CRYBG3: variants seen among roughly 807,000 people sequenced by gnomAD.
The protein encoded by CRYBG3 is very large A-kinase anchor protein.
In CRYBG3, 127 loss-of-function variants were observed where a neutral mutation model predicts 244.2. The ratio of observed to expected loss-of-function variants is 0.52; its 90% confidence interval spans 0.45 to 0.60. The LOEUF is 0.60. Among genes scored for constraint, CRYBG3 ranks in the 20% least tolerant of loss-of-function variants. CRYBG3 has a pLI of 0.00. For synonymous variants in CRYBG3, 1,132 were observed against 1,195.8 expected (o/e 0.95, Z 1.10); for missense variants, 3,325 against 3,442.5 (o/e 0.97, Z 0.85).
chr3:97,881,753 G>T (rs1276749483), intron 7 of CRYBG3, among the ~76,000 whole-genome samples: 1 of 151,776 alleles, frequency 6.6e-6, no homozygotes, highest in Non-Finnish European at 1.5e-5. Context: ...AATGTTACAT[G>T]ATGTACTATA....
intron 3 of CRYBG3, among the ~76,000 whole-genome samples, chr3:97,869,500 T>C (rs1361366363): frequency 1.3e-5 from 2 of 152,186 alleles, no homozygotes; most frequent in Admixed American, 1.3e-4. Context: ...ATTTATGTCA[T>C]AGTTGGCTCT....
intron 2 of CRYBG3, among the ~76,000 whole-genome samples, chr3:97,863,349 T>C (rs1223631646): frequency 3.3e-5 from 5 of 152,194 alleles, no homozygotes; most frequent in Admixed American, 3.3e-4. Context: ...TACTCTGATA[T>C]AGCAGCTCAG....
At chr3:97,916,438 T>C (rs1004351687) in intron 17 of CRYBG3, among the ~76,000 whole-genome samples, 2 of 152,170 alleles carry the variant, frequency 1.3e-5, no homozygotes, top group African/African-American at 4.8e-5. Flanking sequence ...GAATTTCAAA[T>C]GTGAGATAAA....
At chr3:97,906,046 G>C (rs1363544194) in intron 15 of CRYBG3, among the ~76,000 whole-genome samples, 1 of 144,120 alleles carries the variant, frequency 6.9e-6, no homozygotes, top group East Asian at 2.1e-4. Context: ...TCAAAGATCA[G>C]ATAGTTGTAG....
intron 2 of CRYBG3, among the ~76,000 whole-genome samples, chr3:97,845,687 C>T (rs1241219669): frequency 1.3e-5 from 2 of 152,204 alleles, no homozygotes; most frequent in Non-Finnish European, 1.5e-5. Context: ...ATCTTGACTA[C>T]AACATGTGCA....
intron 1 of CRYBG3, among the ~76,000 whole-genome samples, chr3:97,829,750 A>C (rs1437236014): frequency 6.6e-6 from 1 of 152,192 alleles, no homozygotes; most frequent in Non-Finnish European, 1.5e-5. Flanking sequence ...AGCAGTTAAC[A>C]AGGTGCAGCA....
chr3:97,911,349 C>G (rs958983550), intron 15 of CRYBG3, among the ~76,000 whole-genome samples: 2 of 152,030 alleles, frequency 1.3e-5, no homozygotes, highest in East Asian at 1.9e-4. Flanking sequence ...TTTACGGGCT[C>G]TTTAATTTTT....
intron 17 of CRYBG3, among the ~76,000 whole-genome samples, chr3:97,923,443 G>A (rs563140324): frequency 1.3e-5 from 2 of 152,038 alleles, no homozygotes; most frequent in East Asian, 3.9e-4. Flanking sequence ...TGAAAATGCA[G>A]GCCAACAAAA....
intron 17 of CRYBG3, among the ~76,000 whole-genome samples, chr3:97,918,546 T>A (rs1428158643): frequency 1.6e-4 from 24 of 152,230 alleles, no homozygotes; most frequent in Admixed American, 1.5e-3. Flanking sequence ...CTGGTCATAT[T>A]TCTAATTGGA....
At chr3:97,852,800 T>A (rs1490271396) in intron 2 of CRYBG3, among the ~76,000 whole-genome samples, 1 of 152,138 alleles carries the variant, frequency 6.6e-6, no homozygotes, top group Admixed American at 6.5e-5. Flanking sequence ...ACCAACAGTG[T>A]ATAACAGTTC....
chr3:97,900,769 A>G (rs768012359), intron 15 of CRYBG3, among the ~76,000 whole-genome samples: 21 of 152,286 alleles, frequency 1.4e-4, no homozygotes, highest in Non-Finnish European at 2.6e-4. Flanking sequence ...CCCATCGTCC[A>G]TTATTTCTTC....
At chr3:97,937,395 C>G (rs954049029) in intron 19 of CRYBG3, among the ~76,000 whole-genome samples, 7 of 152,092 alleles carry the variant, frequency 4.6e-5, no homozygotes, top group African/African-American at 1.7e-4. Flanking sequence ...TCTCCAACCT[C>G]ATCTTTCACA....
Position 97,896,020 on chromosome 3 carries a change from T to C in CRYBG3, c.7636T>C (p.Phe2546Leu). The change falls in exon 12 of 22, where the codon TTT becomes CTT. Residue 2546 changes from phenylalanine (F) to leucine (L), a missense_variant. Around this residue, in one of 4 missense-constraint regions of CRYBG3, gnomAD observed 714 missense variants for 803.6 expected, o/e 0.89. Transcript: ENST00000389622. ...GCAGTTTCTGCTTGAAGAAGGAGAC[T>C]TTGAAGACAGTAATGCTTGTGGTGC... is the stretch of plus-strand genomic sequence containing the variant. ...GQQFLLEEGD[F>L]EDSNACGALS... The C allele has an allele frequency of 6.2e-7, 1 of 1,613,682 alleles. No homozygotes were observed. Among genetic ancestry groups the C allele is most frequent in the Non-Finnish European group, 8.5e-7 (1 of 1,179,728 alleles).
At chr3:97,828,634 C>T (rs545102487) in intron 1 of CRYBG3, among the ~76,000 whole-genome samples, 1 of 151,392 alleles carries the variant, frequency 6.6e-6, no homozygotes, top group East Asian at 1.9e-4. Flanking sequence ...TGAGACCAGC[C>T]TGACCAACAT....
At chr3:97,833,772 C>G (rs1326989467) in intron 1 of CRYBG3, among the ~76,000 whole-genome samples, 2 of 152,002 alleles carry the variant, frequency 1.3e-5, no homozygotes, top group Admixed American at 6.6e-5. Context: ...CTGTCATAGT[C>G]TGTGTTCTGT....
chr3:97,822,027 G>A lies in CRYBG3; in HGVS notation c.-180G>A, dbSNP rs1001470442. 3 of 439,448 alleles carry A rather than the reference G, an allele frequency of 6.8e-6. No homozygotes were observed. Among genetic ancestry groups the A allele is most frequent in the Non-Finnish European group, 7.6e-6 (2 of 262,826 alleles). 27.2% of individuals were successfully genotyped at this position (439,448 alleles called of 1,614,324 possible). The stretch of plus-strand genomic sequence containing the variant: ...AGCCGCAGCGGCGTGAGGAGCTGCC[G>A]CGCGAGGAGCGCGTCGCGTCCGCAC... On this transcript the variant is annotated 5_prime_UTR_variant, in exon 1 of 22. Coordinates refer to ENST00000389622, the MANE Select transcript of CRYBG3 (RefSeq NM_153605.4).
At chr3:97,856,245 G>A (rs953358618) in intron 2 of CRYBG3, among the ~76,000 whole-genome samples, 18 of 152,172 alleles carry the variant, frequency 1.2e-4, no homozygotes, top group African/African-American at 4.3e-4. Context: ...CTCACCAGCG[G>A]TCAGAGTTTA....
intron 1 of CRYBG3, among the ~76,000 whole-genome samples, chr3:97,838,335 T>C (rs1388755524): frequency 2.0e-5 from 3 of 152,158 alleles, no homozygotes; most frequent in Admixed American, 6.6e-5. Flanking sequence ...CAGATTTTTT[T>C]CTTCCCTCTA....
intron 3 of CRYBG3, among the ~76,000 whole-genome samples, chr3:97,869,661 C>T (rs1217505252): frequency 2.6e-5 from 4 of 152,210 alleles, no homozygotes; most frequent in African/African-American, 9.6e-5. Flanking sequence ...TCATAACAGT[C>T]CTTGATCTAG....
Sources: allele counts gnomAD v4.1 joint callset (sites outside exome capture counted in the v4.1 genomes callset), GRCh38; gene constraint gnomAD v4.1.1; regional missense constraint gnomAD v4.1.1; transcripts MANE v1.5; gene names NCBI Gene and HGNC (gene_info 2026-07-23, HGNC 2026-07-21).